The following NETO1 variants were observed in gnomAD, a reference collection of about 807,000 sequenced individuals.
NETO1 encodes the protein neuropilin and tolloid-like protein 1.
Under a neutral mutation model 61.3 loss-of-function variants are expected in NETO1, and 26 were observed. The ratio of observed to expected loss-of-function variants is 0.42; its 90% confidence interval spans 0.31 to 0.59. NETO1 has a LOEUF of 0.59. NETO1 is among the 20% of genes least tolerant of loss of function. The pLI is 0.12. For missense variants in NETO1, 531 were observed against 662.8 expected, an observed-to-expected ratio of 0.80 and a Z score of 2.18; for synonymous variants, 225 against 225.8, an observed-to-expected ratio of 1.00 and a Z score of 0.03.
intron 6 of NETO1, among the ~76,000 whole-genome samples, chr18:72,791,590 C>A (rs1188477050): frequency 2.6e-5 from 4 of 152,072 alleles, no homozygotes; most frequent in Non-Finnish European, 5.9e-5. Context: ...ACAGGTACAT[C>A]GGTTATTGTT....
At chr18:72,802,727 A>ACC (rs2072549533) in intron 4 of NETO1, among the ~76,000 whole-genome samples, 1 of 152,208 alleles carries the variant, frequency 6.6e-6, no homozygotes, top group Admixed American at 6.5e-5. Flanking sequence ...TTAGCAATGA[A>ACC]TCAGGACTGT....
intron 4 of NETO1, among the ~76,000 whole-genome samples, chr18:72,799,079 G>A (rs2072416875): frequency 6.6e-6 from 1 of 152,188 alleles, no homozygotes; most frequent in African/African-American, 2.4e-5. Flanking sequence ...ATTCTTAGTG[G>A]CTAACTTCAT....
chr18:72,784,184 A>C (rs1366872506), intron 6 of NETO1, among the ~76,000 whole-genome samples: 1 of 151,716 alleles, frequency 6.6e-6, no homozygotes, highest in African/African-American at 2.4e-5. Flanking sequence ...CTTACTGGAA[A>C]TCAGTTACTA....
intron 4 of NETO1, among the ~76,000 whole-genome samples, chr18:72,820,999 G>C (rs1361380988): frequency 6.6e-6 from 1 of 151,950 alleles, no homozygotes; most frequent in East Asian, 1.9e-4. Context: ...AGACAAATAG[G>C]CAGACAGAAA....
chr18:72,791,842 C>T (rs1300822082), intron 6 of NETO1, among the ~76,000 whole-genome samples: 1 of 152,160 alleles, frequency 6.6e-6, no homozygotes, highest in Non-Finnish European at 1.5e-5. Context: ...GCATAATAAA[C>T]TGCAACCTAG....
At chr18:72,771,605 G>A (rs891786562) in intron 7 of NETO1, among the ~76,000 whole-genome samples, 3 of 152,118 alleles carry the variant, frequency 2.0e-5, no homozygotes, top group African/African-American at 7.2e-5. Context: ...TTAATGATTA[G>A]GCTAGTGGAA....
In NETO1 at chr18:72,814,845, T is replaced by C. The variant is rs570236658; in HGVS notation, c.470-20441A>G. On this transcript the variant is annotated intron_variant, in intron 4 of 10. Coordinates refer to ENST00000327305, the MANE Select transcript of NETO1 (RefSeq NM_138966.5). ...ATGTATATATACCTAATAACATAGGTACAATGTTATCATTGCATCAATGAA... is the reference window on the plus strand; with the variant it reads ...ATGTATATATACCTAATAACATAGGCACAATGTTATCATTGCATCAATGAA... Among the ~76,000 whole-genome samples, 17 of 152,080 alleles carry C rather than the reference T, an allele frequency of 1.1e-4. No homozygotes were observed. In the South Asian group the frequency reaches 3.3e-3, roughly 30 times the overall value.
intron 7 of NETO1, among the ~76,000 whole-genome samples, chr18:72,779,761 C>T (rs1011392502): frequency 1.3e-5 from 2 of 152,148 alleles, no homozygotes; most frequent in African/African-American, 4.8e-5. Context: ...GACAAATATA[C>T]ACAGGCATCG....
chr18:72,816,147 A>G (rs2073027301), intron 4 of NETO1, among the ~76,000 whole-genome samples: 1 of 150,960 alleles, frequency 6.6e-6, no homozygotes, highest in Non-Finnish European at 1.5e-5. Flanking sequence ...GGAATTGGGG[A>G]CAAAGATGAA....
chr18:72,837,307 T>C (rs2073782080), intron 4 of NETO1, among the ~76,000 whole-genome samples: 1 of 152,198 alleles, frequency 6.6e-6, no homozygotes, highest in African/African-American at 2.4e-5. Flanking sequence ...GAATTCTGAA[T>C]TGAATTTCCA....
chr18:72,864,013 A>C (rs2074659560), intron 3 of NETO1, among the ~76,000 whole-genome samples: 1 of 152,108 alleles, frequency 6.6e-6, no homozygotes, highest in Admixed American at 6.5e-5. Context: ...TGAGGTCATG[A>C]GTTTGAGACC....
intron 4 of NETO1, among the ~76,000 whole-genome samples, chr18:72,856,560 T>C (rs186462303): frequency 5.1e-4 from 77 of 152,332 alleles, no homozygotes; most frequent in African/African-American, 1.6e-3. Context: ...TTCTGTGAGT[T>C]GCTCAATATT....
chr18:72,773,432 T>C (rs1261111992), intron 7 of NETO1, among the ~76,000 whole-genome samples: 1 of 152,180 alleles, frequency 6.6e-6, no homozygotes, highest in Non-Finnish European at 1.5e-5. Context: ...AAGTTCTGAC[T>C]GTCTCAAGAG....
intron 4 of NETO1, among the ~76,000 whole-genome samples, chr18:72,838,135 C>T (rs568018058): frequency 1.3e-4 from 20 of 152,338 alleles, no homozygotes; most frequent in Admixed American, 2.6e-4. Context: ...AGCCTGTCCT[C>T]CTTCTTCCTG....
At chr18:72,764,591 AG>A (rs1450121564) in intron 7 of NETO1, among the ~76,000 whole-genome samples, 1 of 151,978 alleles carries the variant, frequency 6.6e-6, no homozygotes, top group Non-Finnish European at 1.5e-5. Context: ...CCCACTAACG[AG>A]GGGGCTTACA....
intron 6 of NETO1, among the ~76,000 whole-genome samples, chr18:72,787,388 A>G (rs2071957572): frequency 6.6e-6 from 1 of 151,930 alleles, no homozygotes; most frequent in South Asian, 2.1e-4. Flanking sequence ...TATAAAAACC[A>G]AGTACTAAGC....
rs372599309 is a variant in NETO1 at position 72,756,190 on chromosome 18, G to T, written c.869-43C>A. ...AAGACAAAGGAGGAAAGTTATAACT[G>T]ACATTCAGTAGTAAATCACTCACAT... On this transcript the variant is annotated intron_variant, in intron 7 of 10. Transcript: ENST00000327305. The T allele has an allele frequency of 5.4e-5, 49 of 909,728 alleles. 1 individual carries two copies. Among genetic ancestry groups the T allele is most frequent in the South Asian group, 4.4e-4 (31 of 70,838 alleles). 56.4% of individuals were successfully genotyped at this position (909,728 alleles called of 1,614,324 possible).
intron 7 of NETO1, among the ~76,000 whole-genome samples, chr18:72,772,833 A>C (rs1304670781): frequency 0.11 from 867 of 7,604 alleles, 1 homozygote; most frequent in East Asian, 0.17. Context: ...CTCTATATAT[A>C]TATATATATA....
intron 4 of NETO1, among the ~76,000 whole-genome samples, chr18:72,849,168 G>A (rs1340619432): frequency 1.3e-5 from 2 of 152,088 alleles, no homozygotes; most frequent in Non-Finnish European, 2.9e-5. Flanking sequence ...CATCCAAGGG[G>A]CTTACATTTT....
Sources: gnomAD v4.1 joint callset for allele counts (sites outside exome capture counted in the v4.1 genomes callset) on GRCh38, gnomAD v4.1.1 for gene constraint, MANE v1.5 for transcripts, NCBI Gene and HGNC (gene_info 2026-07-23, HGNC 2026-07-21) for gene names.